Variants in KHDRBS2 observed in about 807,000 individuals in gnomAD.
The protein encoded by KHDRBS2 is KH RNA binding domain containing, signal transduction associated 2, also known as KH domain-containing, RNA-binding, signal transduction-associated protein 2.
In KHDRBS2, 26 loss-of-function variants were observed where a neutral mutation model predicts 44.3. That is an observed-to-expected ratio of 0.59 (90% confidence interval 0.43 to 0.81). The LOEUF is 0.81. KHDRBS2 is among the 40% of genes least tolerant of loss of function. The pLI is 0.00. For missense variants in KHDRBS2, 476 were observed against 433.1 expected (o/e 1.10, Z -0.88); for synonymous variants, 194 against 151.1 (o/e 1.28, Z -2.08).
intron 3 of KHDRBS2, among the ~76,000 whole-genome samples, chr6:62,041,232 G>A (rs556411546): frequency 3.3e-5 from 5 of 152,144 alleles, no homozygotes; most frequent in Admixed American, 6.6e-5. Flanking sequence ...TTGGAAGTCT[G>A]AGGCAGGAGA....
chr6:61,628,308 A>C, the KHDRBS2 span, among the ~76,000 whole-genome samples: 445 of 136,408 alleles, frequency 3.3e-3, 4 homozygotes, highest in African/African-American at 0.012. Context: ...TGTATTTCCC[A>C]GTGAAGTTCA....
intron 2 of KHDRBS2, among the ~76,000 whole-genome samples, chr6:62,078,988 C>T (rs1170367990): frequency 6.6e-6 from 1 of 152,006 alleles, no homozygotes; most frequent in African/African-American, 2.4e-5. Flanking sequence ...AGGCAAACTG[C>T]ATTCCTTCCT....
chr6:61,863,634 G>C (rs968885734), intron 6 of KHDRBS2, among the ~76,000 whole-genome samples: 5 of 152,164 alleles, frequency 3.3e-5, no homozygotes, highest in Non-Finnish European at 7.4e-5. Context: ...TGATTGTACT[G>C]TGATCCAAGA....
chr6:61,772,084 A>G (rs1191489884), intron 6 of KHDRBS2, among the ~76,000 whole-genome samples: 1 of 152,230 alleles, frequency 6.6e-6, no homozygotes, highest in Non-Finnish European at 1.5e-5. Context: ...TGGGTAAATA[A>G]TGAAATGAAG....
the KHDRBS2 span, among the ~76,000 whole-genome samples, chr6:61,673,015 A>T: frequency 6.6e-6 from 1 of 151,600 alleles, no homozygotes; most frequent in Non-Finnish European, 1.5e-5. Context: ...TCTTGAATTG[A>T]TTTTTGTATA....
intron 6 of KHDRBS2, among the ~76,000 whole-genome samples, chr6:61,749,436 C>T (rs1164154773): frequency 6.6e-6 from 1 of 152,076 alleles, no homozygotes; most frequent in Non-Finnish European, 1.5e-5. Context: ...ATGTTTTCTT[C>T]TTTAGTTCAA....
At chr6:61,673,992 A>G in the KHDRBS2 span, among the ~76,000 whole-genome samples, 1 of 151,776 alleles carries the variant, frequency 6.6e-6, no homozygotes, top group Non-Finnish European at 1.5e-5. Flanking sequence ...GAAGACCCTT[A>G]TTCTTTAAAG....
In KHDRBS2 at chr6:61,826,511, T is replaced by G. The variant is rs532081916; in HGVS notation, c.810+68124A>C. Among the ~76,000 whole-genome samples the G allele has an allele frequency of 1.4e-3, 210 of 152,124 alleles. 1 individual carries two copies. The highest frequency in any genetic ancestry group is 4.8e-3 in the African/African-American group (201 of 41,514). ...CCTTTCAGAGAAGGGGTTTTAAAGC[T>G]TCCTGCTGTTACTGGCTTCTGGCTA... is the stretch of plus-strand genomic sequence containing the variant. On this transcript the variant is annotated intron_variant, in intron 6 of 8. Transcript: ENST00000281156.
At chr6:62,054,895 C>T (rs1240407737) in intron 2 of KHDRBS2, among the ~76,000 whole-genome samples, 1 of 151,864 alleles carries the variant, frequency 6.6e-6, no homozygotes, top group East Asian at 1.9e-4. Flanking sequence ...CGATAGGAAA[C>T]TAAAATACTA....
Position 62,007,494 on chromosome 6 carries a change from G to A in KHDRBS2, c.337-29282C>T, listed in dbSNP as rs1031571869. Among the ~76,000 whole-genome samples, 4 of 151,834 alleles carry A rather than the reference G, an allele frequency of 2.6e-5. No individual in the cohort carries two copies. The South Asian group carries it at 6.2e-4, about 24-fold the overall frequency. On this transcript the variant is annotated intron_variant, in intron 3 of 8. Transcript: ENST00000281156. ...CTGCCTAATCGGGTGTATGAAAACTGATGACACAGACCACATTTTTATTTA... is the reference window on the plus strand; with the variant it reads ...CTGCCTAATCGGGTGTATGAAAACTAATGACACAGACCACATTTTTATTTA...
At chr6:61,729,698 G>A (rs74588590) in intron 7 of KHDRBS2, among the ~76,000 whole-genome samples, 4,769 of 152,148 alleles carry the variant, frequency 0.031, 242 homozygotes, top group African/African-American at 0.11. Flanking sequence ...GAATAATGAT[G>A]TTGAACATAT....
chr6:62,134,443 G>A (rs754145419), intron 2 of KHDRBS2, among the ~76,000 whole-genome samples: 2 of 152,160 alleles, frequency 1.3e-5, no homozygotes, highest in South Asian at 2.1e-4. Context: ...GCAGGGCCGA[G>A]GTCCTCATGG....
At chr6:61,673,404 G>A in the KHDRBS2 span, among the ~76,000 whole-genome samples, 1 of 151,748 alleles carries the variant, frequency 6.6e-6, no homozygotes, top group African/African-American at 2.4e-5. Flanking sequence ...ATTCAACATA[G>A]TGTTGGAAGT....
chr6:61,823,967 T>C (rs1204983548), intron 6 of KHDRBS2, among the ~76,000 whole-genome samples: 1 of 152,174 alleles, frequency 6.6e-6, no homozygotes, highest in Non-Finnish European at 1.5e-5. Flanking sequence ...CTTTTTTAAT[T>C]TGGTGACACA....
chr6:61,980,034 T>A (rs1426100838), intron 3 of KHDRBS2, among the ~76,000 whole-genome samples: 7 of 152,002 alleles, frequency 4.6e-5, no homozygotes, highest in Admixed American at 1.3e-4. Flanking sequence ...TTTCCTAGAG[T>A]GACATGACTA....
At chr6:62,048,959 CCTTTT>C (rs1439358112) in intron 2 of KHDRBS2, among the ~76,000 whole-genome samples, 1 of 151,658 alleles carries the variant, frequency 6.6e-6, no homozygotes, top group African/African-American at 2.4e-5. Flanking sequence ...CTTTTCTTTT[CCTTTT>C]CTCTTCCCTT....
chr6:61,884,508 T>C (rs1291988382), intron 6 of KHDRBS2, among the ~76,000 whole-genome samples: 1 of 152,054 alleles, frequency 6.6e-6, no homozygotes, highest in Non-Finnish European at 1.5e-5. Context: ...CTACCTGAAG[T>C]GTCTTTGTTT....
intron 6 of KHDRBS2, among the ~76,000 whole-genome samples, chr6:61,815,926 T>C (rs2127243378): frequency 6.6e-6 from 1 of 152,286 alleles, no homozygotes; most frequent in South Asian, 2.1e-4. Context: ...TAAAGCTGAA[T>C]CAATAAACAC....
the KHDRBS2 span, among the ~76,000 whole-genome samples, chr6:61,566,031 G>A: frequency 6.6e-6 from 1 of 151,824 alleles, no homozygotes; most frequent in Non-Finnish European, 1.5e-5. Flanking sequence ...GTGTGTGCAT[G>A]TGTGTGTATG....
Sources: gnomAD v4.1 joint callset for allele counts (sites outside exome capture counted in the v4.1 genomes callset) on GRCh38, gnomAD v4.1.1 for gene constraint, MANE v1.5 for transcripts, NCBI Gene and HGNC (gene_info 2026-07-23, HGNC 2026-07-21) for gene names.